Variants in TENM3 observed in about 807,000 individuals in gnomAD.
TENM3 encodes the protein teneurin transmembrane protein 3, also known as teneurin-3.
In TENM3, 63 loss-of-function variants were observed where a neutral mutation model predicts 255.1. The ratio of observed to expected loss-of-function variants is 0.25; its 90% CI spans 0.20 to 0.30. TENM3 has a LOEUF of 0.30. Among genes scored for constraint, TENM3 ranks in the 10% least tolerant of loss-of-function variants. The probability of loss-of-function intolerance (pLI) is 1.00; values close to 1 mark genes in which losing one functional copy is unlikely to be tolerated. For synonymous variants in TENM3, 1,306 were observed against 1,322.3 expected, an observed-to-expected ratio of 0.99 and a Z score of 0.27; for missense variants, 2,929 against 3,461.1, an observed-to-expected ratio of 0.85 and a Z score of 3.86.
At chr4:181,599,028 T>C in the TENM3 span, among the ~76,000 whole-genome samples, 1 of 152,348 alleles carries the variant, frequency 6.6e-6, no homozygotes, top group African/African-American at 2.4e-5. Flanking sequence ...AAGCTTTTCA[T>C]TCAGCTTTAT....
At chr4:182,102,770 T>C in the TENM3 span, among the ~76,000 whole-genome samples, 1 of 152,216 alleles carries the variant, frequency 6.6e-6, no homozygotes, top group Non-Finnish European at 1.5e-5. Context: ...TCCTAGCCTC[T>C]GAAAGCTTCA....
chr4:181,714,418 G>C, the TENM3 span, among the ~76,000 whole-genome samples: 1 of 152,138 alleles, frequency 6.6e-6, no homozygotes, highest in Non-Finnish European at 1.5e-5. Context: ...ACTCCAACCT[G>C]GGTATCAGAA....
the TENM3 span, among the ~76,000 whole-genome samples, chr4:181,779,896 C>T: frequency 1.3e-5 from 2 of 152,046 alleles, no homozygotes; most frequent in Non-Finnish European, 2.9e-5. Flanking sequence ...TGTTTGGTTT[C>T]TTGTCCTTGC....
At chr4:181,805,954 C>T in the TENM3 span, among the ~76,000 whole-genome samples, 1 of 152,082 alleles carries the variant, frequency 6.6e-6, no homozygotes, top group Non-Finnish European at 1.5e-5. Context: ...GTATTCCACC[C>T]GGATTCAGAG....
At chr4:182,357,067 A>G (rs2150744801) in intron 3 of TENM3, among the ~76,000 whole-genome samples, 1 of 152,234 alleles carries the variant, frequency 6.6e-6, no homozygotes, top group Middle Eastern at 3.4e-3. Context: ...TTATGACTGC[A>G]TAGTATTCCA....
At chr4:181,476,198 T>C in the TENM3 span, among the ~76,000 whole-genome samples, 1 of 51,764 alleles carries the variant, frequency 1.9e-5, no homozygotes, top group Non-Finnish European at 4.3e-5. Flanking sequence ...AGATAAGACA[T>C]TTTAGGGGTT....
the TENM3 span, among the ~76,000 whole-genome samples, chr4:181,676,966 A>C: frequency 6.8e-6 from 1 of 148,130 alleles, no homozygotes; most frequent in African/African-American, 2.5e-5. Context: ...CTTCAGTCAC[A>C]TGACCTATGC....
At chr4:182,214,512 G>T (rs962633847) in intron 1 of TENM3, among the ~76,000 whole-genome samples, 8 of 147,262 alleles carry the variant, frequency 5.4e-5, no homozygotes, top group African/African-American at 1.3e-4. Context: ...TCTATTTATT[G>T]TATTTATTTA....
Position 182,237,175 on chromosome 4 carries a change from A to G in TENM3, c.-75-86771A>G, listed in dbSNP as rs141170317. ...CTCCATCCATGTTCCTGCAAAGGAC[A>G]TGATCTCGTTCCTTTTTATGGGTGC... On this transcript the variant is annotated intron_variant, in intron 1 of 2. Transcript: ENST00000512480. 6.6e-5 allele frequency among the ~76,000 whole-genome samples: 10 copies of G among 152,266 alleles called. No homozygotes were observed. In the East Asian group the frequency reaches 1.7e-3, roughly 27 times the overall value.
intron 22 of TENM3, among the ~76,000 whole-genome samples, chr4:182,764,250 T>C (rs745924892): frequency 7.2e-5 from 11 of 152,266 alleles, no homozygotes; most frequent in Non-Finnish European, 1.3e-4. Context: ...GTTTAGCCCG[T>C]AATTTCCTGG....
At chr4:181,670,928 T>C in the TENM3 span, among the ~76,000 whole-genome samples, 3 of 152,230 alleles carry the variant, frequency 2.0e-5, no homozygotes, top group African/African-American at 4.8e-5. Context: ...GGACAAGTTA[T>C]TTTCAAAATG....
chr4:182,623,764 A>T (rs760803122), intron 4 of TENM3, among the ~76,000 whole-genome samples: 3 of 152,068 alleles, frequency 2.0e-5, no homozygotes, highest in Non-Finnish European at 4.4e-5. Flanking sequence ...CCACTAAGAC[A>T]TCTAGTTTTC....
In TENM3 at chr4:182,346,947, C is replaced by T. The variant is rs775831962; in HGVS notation, c.511+18C>T. 1.3e-6 allele frequency: 2 copies of T among 1,562,076 alleles called. No individual in the cohort carries two copies. Among genetic ancestry groups the T allele is most frequent in the Non-Finnish European group, 1.7e-6 (2 of 1,149,962 alleles). Reference sequence around the variant, plus strand: ...TGAGAATGGTAAGTTTCCTTTTTGGCTTTATAATGTTGGCATTCAGTGCTT... The same window carrying T: ...TGAGAATGGTAAGTTTCCTTTTTGGTTTTATAATGTTGGCATTCAGTGCTT... On this transcript the variant is annotated intron_variant, in intron 3 of 27. Transcript: ENST00000511685.
the TENM3 span, among the ~76,000 whole-genome samples, chr4:181,670,768 A>G: frequency 6.6e-6 from 1 of 152,216 alleles, no homozygotes; most frequent in African/African-American, 2.4e-5. Flanking sequence ...CAGAATTTAA[A>G]TGAACCATTT....
At chr4:182,064,702 T>G in the TENM3 span, among the ~76,000 whole-genome samples, 30 of 152,262 alleles carry the variant, frequency 2.0e-4, no homozygotes, top group East Asian at 5.8e-3. Flanking sequence ...CAGGGTGCAG[T>G]TGCTTGCCCC....
chr4:182,783,970 A>G (rs985660258), intron 24 of TENM3, among the ~76,000 whole-genome samples: 28 of 152,184 alleles, frequency 1.8e-4, no homozygotes, highest in African/African-American at 6.7e-4. Context: ...AATTTTTTTC[A>G]AAGCTTTCAA....
the TENM3 span, among the ~76,000 whole-genome samples, chr4:181,615,611 C>A: frequency 6.6e-6 from 1 of 152,160 alleles, no homozygotes; most frequent in Admixed American, 6.6e-5. Flanking sequence ...TATAGTAACT[C>A]CCAGCAGCTC....
rs190701971 is a variant in TENM3, at chr4:182,434,720, C to T, written c.511+87791C>T. ...TTCTGCTTGAGCTTATCAAATTGCA[C>T]CCCAGAGATTATTATCAGGGTATAT... On this transcript the variant is annotated intron_variant, in intron 3 of 27. Coordinates refer to ENST00000511685, the MANE Select transcript of TENM3 (RefSeq NM_001080477.4). Among the ~76,000 whole-genome samples the T allele has an allele frequency of 9.9e-5, 15 of 151,904 alleles. No individual in the cohort carries two copies. In the East Asian group the frequency reaches 2.9e-3, roughly 29 times the overall value.
chr4:182,603,582 G>A (rs1748106133), intron 4 of TENM3, among the ~76,000 whole-genome samples: 1 of 152,028 alleles, frequency 6.6e-6, no homozygotes, highest in African/African-American at 2.4e-5. Flanking sequence ...GTCTCACTTG[G>A]TTGGAACTCT....
Sources: gnomAD v4.1 joint callset for allele counts (sites outside exome capture counted in the v4.1 genomes callset) on GRCh38, gnomAD v4.1.1 for gene constraint, MANE v1.5 for transcripts, NCBI Gene and HGNC (gene_info 2026-07-23, HGNC 2026-07-21) for gene names.